Variants in ARHGAP29 observed in about 807,000 individuals in gnomAD.
ARHGAP29 encodes Rho GTPase activating protein 29.
ARHGAP29 carries 43 observed loss-of-function variants against 122.6 expected under a neutral mutation model. That is an observed-to-expected ratio of 0.35 (90% CI 0.27 to 0.45). ARHGAP29 has a LOEUF of 0.45. ARHGAP29 is among the 20% of genes least tolerant of loss of function. ARHGAP29 has a pLI of 1.00. For missense variants in ARHGAP29, 1,303 were observed against 1,477.2 expected (o/e 0.88, Z 1.93); for synonymous variants, 506 against 497.1 (o/e 1.02, Z -0.24).
intron 8 of ARHGAP29, 47 bp downstream of exon 8, chr1:94,203,883 T>C (rs1417240736): frequency 1.3e-6 from 2 of 1,530,526 alleles, no homozygotes; most frequent in Non-Finnish European, 1.8e-6. Flanking sequence ...TGGGAGTTCA[T>C]GAGTAGTTTC....
At position 94,174,682 on chromosome 1, in the gene ARHGAP29, G is replaced by A. The variant is rs769326990; in HGVS notation, c.2973C>T (p.Thr991=). The change falls in exon 23 of 23, where the codon ACC becomes ACT. Residue 991 remains threonine (T), a synonymous_variant. Transcript: ENST00000260526. The part of the protein sequence containing the change: ...SASQKIEDGK[T]PKPLSLKSDR... ...CAGATTTCAGAGAAAGTGGCTTAGG[G>A]GTTTTACCATCTTCTATCTTTTGGG... The A allele has an allele frequency of 3.1e-6, 5 of 1,614,000 alleles. No homozygotes were observed. The East Asian group carries it at 1.1e-4, about 36-fold the overall frequency.
chr1:94,219,224 T>A (rs996956765), intron 3 of ARHGAP29, among the ~76,000 whole-genome samples: 3 of 152,180 alleles, frequency 2.0e-5, no homozygotes, highest in South Asian at 2.1e-4. Context: ...ATTTACCTTA[T>A]CGGTAGCATT....
intron 17 of ARHGAP29, 41 bp downstream of exon 17, chr1:94,185,301 A>G (rs1419198723): frequency 6.6e-7 from 1 of 1,517,332 alleles, no homozygotes; most frequent in African/African-American, 1.4e-5. Flanking sequence ...GTATAAAACA[A>G]AAAGCATAAA....
intron 1 of ARHGAP29, among the ~76,000 whole-genome samples, chr1:94,258,367 T>G (rs557427541): frequency 6.6e-6 from 1 of 152,260 alleles, no homozygotes; most frequent in Non-Finnish European, 1.5e-5. Flanking sequence ...CATTTCTGAA[T>G]TTTTTAATGT....
intron 20 of ARHGAP29, 141 bp from the exon 21 acceptor site, chr1:94,178,308 T>C (rs1236666895): frequency 1.8e-5 from 13 of 735,062 alleles, no homozygotes; most frequent in Non-Finnish European, 4.3e-6. Context: ...AAAGGTTATA[T>C]TTATTTGATT....
At chr1:94,210,318 G>A (rs1651504359) in intron 3 of ARHGAP29, among the ~76,000 whole-genome samples, 2 of 152,096 alleles carry the variant, frequency 1.3e-5, no homozygotes. Flanking sequence ...AGAATTACCT[G>A]GGGAGTTTTA....
chr1:94,285,893 A>G, the ARHGAP29 span, among the ~76,000 whole-genome samples: 1 of 149,716 alleles, frequency 6.7e-6, no homozygotes, highest in African/African-American at 2.4e-5. Context: ...AAAAAAAAGA[A>G]AAAAAAAAAG....
chr1:94,246,989 A>G (rs1653827669), intron 1 of ARHGAP29, among the ~76,000 whole-genome samples: 1 of 152,174 alleles, frequency 6.6e-6, no homozygotes, highest in Admixed American at 6.5e-5. Flanking sequence ...AGAATGCGCA[A>G]GACGGTGTTT....
At chr1:94,201,515 TC>T (rs1180268963) in intron 12 of ARHGAP29, among the ~76,000 whole-genome samples, 42 of 1,804 alleles carry the variant, frequency 0.023, no homozygotes, top group African/African-American at 0.03. Context: ...CTTCTCTCTC[TC>T]TCTCTCTCTC....
chr1:94,304,819 CT>C, the ARHGAP29 span, among the ~76,000 whole-genome samples: 1 of 152,172 alleles, frequency 6.6e-6, no homozygotes, highest in South Asian at 2.1e-4. Flanking sequence ...AGAAAAGATA[CT>C]GGAATTTCTC....
At chr1:94,241,924 C>T (rs1270473124), upstream of ARHGAP29, among the ~76,000 whole-genome samples, 1 of 151,720 alleles carries the variant, frequency 6.6e-6, no homozygotes, top group Non-Finnish European at 1.5e-5. Context: ...CCCACAATTA[C>T]CCCAACTTTC....
intron 15 of ARHGAP29, among the ~76,000 whole-genome samples, chr1:94,187,092 C>T (rs929076765): frequency 2.6e-5 from 4 of 152,106 alleles, no homozygotes; most frequent in Non-Finnish European, 5.9e-5. Flanking sequence ...GCAAGACTGC[C>T]GACTGGGAAC....
At chr1:94,218,489 C>T (rs575442160) in intron 3 of ARHGAP29, among the ~76,000 whole-genome samples, 118 of 152,276 alleles carry the variant, frequency 7.7e-4, no homozygotes, top group African/African-American at 2.4e-3. Context: ...TATACACAGG[C>T]GCACTCCTTC....
At chr1:94,184,812 T>C (rs1649695046) in intron 18 of ARHGAP29, 60 bp downstream of exon 18, 1 of 1,340,708 alleles carries the variant, frequency 7.5e-7, no homozygotes, top group South Asian at 1.5e-5. Flanking sequence ...AGTCTCCTTT[T>C]CATTAGAATA....
At chr1:94,247,373 G>A (rs1029067018) in intron 1 of ARHGAP29, among the ~76,000 whole-genome samples, 1 of 151,910 alleles carries the variant, frequency 6.6e-6, no homozygotes, top group African/African-American at 2.4e-5. Context: ...ACAACTCAGA[G>A]CGCGCACCCG....
chr1:94,306,144 G>A, the ARHGAP29 span, among the ~76,000 whole-genome samples: 2 of 152,170 alleles, frequency 1.3e-5, no homozygotes, highest in South Asian at 2.1e-4. Flanking sequence ...TGCAGTAGTC[G>A]GGCCCTGGGT....
intron 12 of ARHGAP29, among the ~76,000 whole-genome samples, chr1:94,196,520 C>G (rs1157163884): frequency 6.6e-6 from 1 of 151,940 alleles, no homozygotes; most frequent in Non-Finnish European, 1.5e-5. Context: ...CTCGGCCTCC[C>G]AAAGTGCTGG....
At chr1:94,208,775 G>A in intron 5 of ARHGAP29, 57 bp downstream of exon 5, 4 of 1,554,082 alleles carry the variant, frequency 2.6e-6, no homozygotes, top group Non-Finnish European at 8.9e-7. Context: ...TTAGGCAATA[G>A]TTGAAACATG....
rs6673971 is a variant in ARHGAP29, at chr1:94,260,557, G to A, written c.-33+14455C>T. On this transcript the variant is annotated intron_variant and NMD_transcript_variant, in intron 1 of 25. Coordinates refer to the ARHGAP29 transcript ENST00000552844. ...TGGCAAGGAAGCTTTACTTAATGAA[G>A]GAAAGAATAATCAATAGCACTAATA... Among the ~76,000 whole-genome samples the A allele has an allele frequency of 6.1e-3, 936 of 152,250 alleles. 15 individuals carry two copies. The highest frequency in any genetic ancestry group is 0.022 in the African/African-American group (904 of 41,542).
Sources: gnomAD v4.1 joint callset for allele counts (sites outside exome capture counted in the v4.1 genomes callset) on GRCh38, gnomAD v4.1.1 for gene constraint, MANE v1.5 for transcripts, NCBI Gene and HGNC (gene_info 2026-07-23, HGNC 2026-07-21) for gene names.